MYO7A: variants seen among roughly 807,000 people sequenced by gnomAD.
MYO7A encodes the protein myosin VIIA.
In MYO7A, 210 loss-of-function variants were observed where a neutral mutation model predicts 263.8. That is an observed-to-expected ratio of 0.80 (90% CI 0.71 to 0.89). The LOEUF (loss-of-function observed/expected upper bound fraction) is 0.89, where lower values mean the gene tolerates loss of function less well. Among genes scored for constraint, MYO7A ranks in the 40% least tolerant of loss-of-function variants. The pLI, the probability that MYO7A is intolerant of heterozygous loss-of-function variation, is 0.00. For missense variants in MYO7A, 2,820 were observed against 2,968.3 expected (o/e 0.95, Z 1.16); for synonymous variants, 1,239 against 1,197.3 (o/e 1.03, Z -0.72).
chr11:77,139,169 G>A lies in MYO7A; in HGVS notation c.19-3540G>A, dbSNP rs77208090. 7.8e-3 allele frequency among the ~76,000 whole-genome samples: 1,185 copies of A among 152,340 alleles called. 22 individuals are homozygous for A. Among genetic ancestry groups the A allele is most frequent in the African/African-American group, 0.027 (1,124 of 41,572 alleles). On this transcript the variant is annotated intron_variant, in intron 2 of 48. Coordinates refer to ENST00000409709, the MANE Select transcript of MYO7A (RefSeq NM_000260.4). ...AAACTGAGGCCCAGAAAGATTGAGT[G>A]CCTCACCCAGAGAGACACAGCGTTA...
intron 42 of MYO7A, among the ~76,000 whole-genome samples, 198 bp from the exon 43 acceptor site, chr11:77,208,232 G>A (rs767010782): frequency 4.5e-4 from 68 of 152,154 alleles, no homozygotes; most frequent in Non-Finnish European, 5.7e-4. Flanking sequence ...AATGACCATC[G>A]CTCCCGGCAA....
At chr11:77,202,792 G>C (rs945212709) in intron 37 of MYO7A, among the ~76,000 whole-genome samples, 2 of 151,644 alleles carry the variant, frequency 1.3e-5, no homozygotes, top group Non-Finnish European at 2.9e-5. Flanking sequence ...TGTGCACTGA[G>C]CTCTACAGGG....
At chr11:77,163,242 C>T (rs1953186092) in intron 14 of MYO7A, among the ~76,000 whole-genome samples, 1 of 152,156 alleles carries the variant, frequency 6.6e-6, no homozygotes, top group Admixed American at 6.5e-5. Flanking sequence ...GCTCTGCAAG[C>T]ATGGGGCAGT....
intron 14 of MYO7A, among the ~76,000 whole-genome samples, chr11:77,165,119 G>T (rs1953409949): frequency 6.6e-6 from 1 of 152,196 alleles, no homozygotes; most frequent in African/African-American, 2.4e-5. Context: ...GCTTTAGTGA[G>T]AACCCAATTA....
chr11:77,188,409 T>C (rs1005845889), intron 27 of MYO7A, among the ~76,000 whole-genome samples: 15 of 152,326 alleles, frequency 9.8e-5, no homozygotes, highest in South Asian at 4.1e-4. Flanking sequence ...TCATTTATCA[T>C]GATAAAAAAA....
chr11:77,175,542 G>A (rs1954574311), intron 18 of MYO7A, 78 bp downstream of exon 18: 5 of 1,326,104 alleles, frequency 3.8e-6, no homozygotes, highest in Non-Finnish European at 5.4e-6. Context: ...GCTCGGGAGA[G>A]GGAGGCAGTG....
At position 77,211,895 on chromosome 11, in the gene MYO7A, C is replaced by T; in HGVS notation, c.6312C>T (p.Ile2104=). The T allele has an allele frequency of 1.2e-6, 2 of 1,613,978 alleles. No individual in the cohort carries two copies. Among genetic ancestry groups the T allele is most frequent in the Non-Finnish European group, 1.7e-6 (2 of 1,179,862 alleles). The change falls in exon 46 of 49, where the codon ATC becomes ATT. Residue 2104 remains isoleucine (I), a synonymous_variant. Transcript: ENST00000409709. ...EEAKLAFLKL[I]FKWPTFGSAF... ...CCAAGCTGGCCTTCCTGAAGCTCAT[C>T]TTCAAGTGGCCCACCTTTGGCTCAG...
chr11:77,181,659 G>A, intron 23 of MYO7A, 70 bp downstream of exon 23: 1 of 1,478,222 alleles, frequency 6.8e-7, no homozygotes, highest in Non-Finnish European at 9.2e-7. Flanking sequence ...CTCCTTCTGT[G>A]CCCTTGGCCT....
At chr11:77,161,158 A>G in intron 12 of MYO7A, 43 bp downstream of exon 12, 1 of 1,609,866 alleles carries the variant, frequency 6.2e-7, no homozygotes, top group Non-Finnish European at 8.5e-7. Context: ...CTTCCCCAAT[A>G]TGGAAATAAG....
Position 77,159,621 on chromosome 11 carries a change from G to T in MYO7A, c.1080+98G>T, listed in dbSNP as rs1459049569. The T allele has an allele frequency of 4.0e-6, 5 of 1,236,882 alleles. No homozygotes were observed. The Admixed American group carries it at 7.2e-5, about 18-fold the overall frequency. 76.6% of individuals were successfully genotyped at this position (1,236,882 alleles called of 1,614,324 possible). On this transcript the variant is annotated intron_variant, in intron 10 of 48. Transcript: ENST00000409709. Reference sequence around the variant, plus strand: ...TGGGATGTAGGAACCACATTGCTGGGACCCTCTGGTTTGGAGAGTTCTGTT... The same window carrying T: ...TGGGATGTAGGAACCACATTGCTGGTACCCTCTGGTTTGGAGAGTTCTGTT...
chr11:77,202,869 GAGAA>G (rs1343876565), intron 37 of MYO7A, among the ~76,000 whole-genome samples, 187 bp from the exon 38 acceptor site: 1 of 151,652 alleles, frequency 6.6e-6, no homozygotes, highest in African/African-American at 2.4e-5. Flanking sequence ...TTTCACAGCT[GAGAA>G]AGAAAGGCCC....
chr11:77,191,947 C>T (rs981670284), intron 30 of MYO7A, 104 bp from the exon 31 acceptor site: 13 of 1,025,146 alleles, frequency 1.3e-5, no homozygotes, highest in Admixed American at 2.3e-5. Context: ...CCCTGCCCCT[C>T]GCTGGGCCTC....
rs760020792 is a variant in MYO7A at position 77,213,026 on chromosome 11, C to T, written c.6429C>T (p.Pro2143=). 1 of 1,576,210 alleles carries T rather than the reference C, an allele frequency of 6.3e-7. No individual in the cohort carries two copies. Among genetic ancestry groups the T allele is most frequent in the South Asian group, 1.2e-5 (1 of 85,586 alleles). The stretch of plus-strand genomic sequence containing the variant: ...AGTATGGGGTCAGCCTCATCGATCC[C>T]AAAACGAAGGTGAGCAGGGATAAGG... ...INKYGVSLID[P]KTKDILTTHP... is the part of the protein sequence containing the mutation. Residue 2143 remains proline (P), a synonymous_variant, in exon 47 of 49, where the codon CCC becomes CCT. Coordinates refer to ENST00000409709, the MANE Select transcript of MYO7A (RefSeq NM_000260.4).
intron 29 of MYO7A, among the ~76,000 whole-genome samples, chr11:77,190,465 T>TG (rs1319119523): frequency 6.6e-6 from 1 of 152,154 alleles, no homozygotes; most frequent in African/African-American, 2.4e-5. Flanking sequence ...TGGCAGTGCC[T>TG]GACCTCTCAG....
At chr11:77,196,902 G>C (rs1956706153) in intron 32 of MYO7A, among the ~76,000 whole-genome samples, 1 of 152,166 alleles carries the variant, frequency 6.6e-6, no homozygotes, top group Non-Finnish European at 1.5e-5. Flanking sequence ...GAAACACAAT[G>C]CCGGTGCTTT....
At position 77,193,064 on chromosome 11, in the gene MYO7A, G is replaced by T. The variant is rs796737890; in HGVS notation, c.4152+786G>T. 2.4e-3 allele frequency among the ~76,000 whole-genome samples: 73 copies of T among 30,618 alleles called. 2 individuals are homozygous for T. Among genetic ancestry groups the T allele is most frequent in the African/African-American group, 0.013 (67 of 5,356 alleles). 20.1% of individuals were successfully genotyped at this position (30,618 alleles called of 152,430 possible). ...GATGGTGGAGGTGGTGATGGTGTTG[G>T]TGATGGTGGAGGTAGTTGTTTGTGA... On this transcript the variant is annotated intron_variant, in intron 31 of 48. Coordinates refer to ENST00000409709, the MANE Select transcript of MYO7A (RefSeq NM_000260.4).
At chr11:77,178,981 C>T in intron 19 of MYO7A, 64 bp from the exon 20 acceptor site, 1 of 1,425,166 alleles carries the variant, frequency 7.0e-7, no homozygotes, top group Non-Finnish European at 9.7e-7. Context: ...CTCCTGATCC[C>T]AAACCCACCT....
At chr11:77,145,204 A>G (rs1416579617) in intron 3 of MYO7A, among the ~76,000 whole-genome samples, 1 of 152,198 alleles carries the variant, frequency 6.6e-6, no homozygotes, top group Non-Finnish European at 1.5e-5. Flanking sequence ...ATCACAAGGC[A>G]GTAGAGTGAC....
At chr11:77,132,902 C>A (rs1436640924) in intron 2 of MYO7A, among the ~76,000 whole-genome samples, 2 of 152,176 alleles carry the variant, frequency 1.3e-5, no homozygotes, top group Non-Finnish European at 2.9e-5. Flanking sequence ...CCACTGGGCC[C>A]GGCCTGTGGA....
Sources: allele counts gnomAD v4.1 joint callset (sites outside exome capture counted in the v4.1 genomes callset), GRCh38; gene constraint gnomAD v4.1.1; transcripts MANE v1.5; gene names NCBI Gene and HGNC (gene_info 2026-07-23, HGNC 2026-07-21).